PTPRD: variants seen among roughly 807,000 people sequenced by gnomAD.
The protein encoded by PTPRD is protein tyrosine phosphatase receptor type D.
In PTPRD, 34 loss-of-function variants were observed where a neutral mutation model predicts 214.5. The observed-to-expected ratio is 0.16, with a 90% CI of 0.12 to 0.21. The LOEUF is 0.21. PTPRD is among the 10% of genes least tolerant of loss of function. The pLI is 1.00. For synonymous variants in PTPRD, 1,128 were observed against 845.7 expected, an observed-to-expected ratio of 1.33 and a Z score of -5.79; for missense variants, 2,545 against 2,398.7, an observed-to-expected ratio of 1.06 and a Z score of -1.27.
intron 39 of PTPRD, among the ~76,000 whole-genome samples, chr9:8,350,482 G>C (rs2075142439): frequency 6.6e-6 from 1 of 152,160 alleles, no homozygotes; most frequent in Non-Finnish European, 1.5e-5. Context: ...TATGAGAAAA[G>C]ATTGAGTTTT....
chr9:8,794,669 TA>T (rs930286367), intron 11 of PTPRD, among the ~76,000 whole-genome samples: 3 of 151,854 alleles, frequency 2.0e-5, no homozygotes, highest in African/African-American at 7.3e-5. Context: ...GGCAGCAACA[TA>T]ACTTCCCCCT....
intron 2 of PTPRD, among the ~76,000 whole-genome samples, chr9:10,591,647 C>A (rs1391988771): frequency 6.6e-6 from 1 of 152,042 alleles, no homozygotes; most frequent in Non-Finnish European, 1.5e-5. Flanking sequence ...CCAAGAAAAA[C>A]ACTTTGGTGG....
chr9:10,471,845 A>T (rs1003867408), intron 2 of PTPRD, among the ~76,000 whole-genome samples: 4 of 152,106 alleles, frequency 2.6e-5, no homozygotes, highest in Non-Finnish European at 4.4e-5. Context: ...CAAGTAAATT[A>T]TACCTAGACC....
At chr9:9,947,264 T>C (rs1041905198) in intron 4 of PTPRD, among the ~76,000 whole-genome samples, 70 of 118,692 alleles carry the variant, frequency 5.9e-4, no homozygotes, top group African/African-American at 2.3e-3. Context: ...AATTCTTTTC[T>C]AGTTATACTT....
intron 7 of PTPRD, among the ~76,000 whole-genome samples, chr9:9,606,524 T>A (rs1257165940): frequency 6.6e-6 from 1 of 152,064 alleles, no homozygotes; most frequent in Non-Finnish European, 1.5e-5. Context: ...CTCCCAATAT[T>A]TGGGAAGTTA....
chr9:9,870,674 G>T (rs114553355), intron 5 of PTPRD, among the ~76,000 whole-genome samples: 1 of 152,002 alleles, frequency 6.6e-6, no homozygotes, highest in Non-Finnish European at 1.5e-5. Flanking sequence ...GTATGAGAAT[G>T]ACTTTGTTCT....
chr9:10,477,675 T>C (rs1246718629), intron 2 of PTPRD, among the ~76,000 whole-genome samples: 1 of 152,074 alleles, frequency 6.6e-6, no homozygotes, highest in African/African-American at 2.4e-5. Flanking sequence ...TAAAAACACA[T>C]GCACACGTAG....
At chr9:9,412,000 G>C (rs923219874) in intron 8 of PTPRD, among the ~76,000 whole-genome samples, 24 of 152,306 alleles carry the variant, frequency 1.6e-4, no homozygotes, top group African/African-American at 5.5e-4. Flanking sequence ...GCCACATAGT[G>C]AATCCATGTC....
intron 3 of PTPRD, among the ~76,000 whole-genome samples, chr9:10,142,921 T>C (rs537200014): frequency 6.6e-6 from 1 of 150,838 alleles, no homozygotes; most frequent in South Asian, 2.1e-4. Context: ...GTGGCACATA[T>C]ACACCATGGA....
At chr9:10,247,850 A>G in intron 3 of PTPRD, among the ~76,000 whole-genome samples, 1 of 152,150 alleles carries the variant, frequency 6.6e-6, no homozygotes, top group East Asian at 1.9e-4. Context: ...ACGCAGTGAT[A>G]TGGTTTGTCT....
At chr9:8,854,131 A>C (rs2097868416) in intron 11 of PTPRD, among the ~76,000 whole-genome samples, 1 of 152,094 alleles carries the variant, frequency 6.6e-6, no homozygotes, top group South Asian at 2.1e-4. Flanking sequence ...CGTAAAGTTT[A>C]TTTTCGAGAT....
intron 11 of PTPRD, among the ~76,000 whole-genome samples, chr9:8,816,664 CT>C (rs2096925778): frequency 6.6e-6 from 1 of 152,092 alleles, no homozygotes. Flanking sequence ...ATTTGTTACC[CT>C]GTTAGAGATG....
chr9:9,323,841 A>G (rs1019879124), intron 9 of PTPRD, among the ~76,000 whole-genome samples: 1 of 152,024 alleles, frequency 6.6e-6, no homozygotes, highest in African/African-American at 2.4e-5. Flanking sequence ...TCCCTACCCC[A>G]TCCCCGCACC....
intron 7 of PTPRD, among the ~76,000 whole-genome samples, chr9:9,688,562 G>A (rs750557996): frequency 6.6e-6 from 1 of 151,850 alleles, no homozygotes; most frequent in Non-Finnish European, 1.5e-5. Flanking sequence ...GTAGAACCCT[G>A]CATACAGATA....
At chr9:9,802,891 A>C (rs1388860076) in intron 5 of PTPRD, among the ~76,000 whole-genome samples, 1 of 151,898 alleles carries the variant, frequency 6.6e-6, no homozygotes, top group African/African-American at 2.4e-5. Flanking sequence ...CATTACACTA[A>C]TAATGCATAT....
intron 11 of PTPRD, among the ~76,000 whole-genome samples, chr9:8,947,319 TG>T (rs1192289870): frequency 6.6e-6 from 1 of 151,628 alleles, no homozygotes; most frequent in Non-Finnish European, 1.5e-5. Flanking sequence ...AAAAGTTAGC[TG>T]GGCATAGTGG....
At position 8,321,342 on chromosome 9, in the gene PTPRD, C is replaced by T. The variant is rs1026517754; in HGVS notation, c.5535-1376G>A. On this transcript the variant is annotated intron_variant, in intron 44 of 45. Transcript: ENST00000381196. Reference sequence around the variant, plus strand: ...TAAGTATTTTCAAAAAAAGAACAGACATTGGACTCACAACTTTTCAATTTA... The same window carrying T: ...TAAGTATTTTCAAAAAAAGAACAGATATTGGACTCACAACTTTTCAATTTA... Among the ~76,000 whole-genome samples the T allele has an allele frequency of 1.2e-3, 186 of 151,286 alleles. 1 individual carries two copies. The highest frequency in any genetic ancestry group is 3.0e-4 in the Non-Finnish European group (20 of 67,764).
chr9:9,207,303 T>G (rs923210222), intron 9 of PTPRD, among the ~76,000 whole-genome samples: 5 of 152,142 alleles, frequency 3.3e-5, no homozygotes, highest in Admixed American at 1.3e-4. Flanking sequence ...AGGGAGTAGA[T>G]AGTTGGACAT....
chr9:9,024,146 C>T (rs1174988642), intron 10 of PTPRD, among the ~76,000 whole-genome samples: 1 of 151,654 alleles, frequency 6.6e-6, no homozygotes, highest in African/African-American at 2.4e-5. Flanking sequence ...CTTTTCTATG[C>T]ATTAATATAT....
Sources: allele counts gnomAD v4.1 joint callset (sites outside exome capture counted in the v4.1 genomes callset), GRCh38; gene constraint gnomAD v4.1.1; transcripts MANE v1.5; gene names NCBI Gene and HGNC (gene_info 2026-07-23, HGNC 2026-07-21).